Variants in DIP2C observed in about 807,000 individuals in gnomAD.
DIP2C encodes the protein disco-interacting protein 2 homolog C.
Under a neutral mutation model 192.4 loss-of-function variants are expected in DIP2C, and 33 were observed. That is an observed-to-expected ratio of 0.17 (90% CI 0.13 to 0.23). The LOEUF is 0.23. DIP2C is among the 10% of genes least tolerant of loss of function. DIP2C has a pLI of 1.00. For synonymous variants in DIP2C, 979 were observed against 864.1 expected (o/e 1.13, Z -2.33); for missense variants, 1,537 against 2,110.1 (o/e 0.73, Z 5.32).
intron 31 of DIP2C, chr10:325,077 A>G (rs1220181197): frequency 4.8e-6 from 2 of 419,740 alleles, no homozygotes; most frequent in African/African-American, 4.1e-5. Context: ...CATGCTGGCT[A>G]ACACGGTGAA....
chr10:520,940 G>A (rs190250040), intron 1 of DIP2C, among the ~76,000 whole-genome samples: 200 of 152,238 alleles, frequency 1.3e-3, no homozygotes, highest in Non-Finnish European at 2.4e-3. Flanking sequence ...TACATTTGAC[G>A]TTAAGTTTTA....
At chr10:471,908 A>AC (rs758291747) in intron 3 of DIP2C, among the ~76,000 whole-genome samples, 48 of 152,136 alleles carry the variant, frequency 3.2e-4, no homozygotes, top group Non-Finnish European at 6.2e-4. Flanking sequence ...GCCCACCACC[A>AC]CGCCCGACAG....
At position 409,091 on chromosome 10, in the gene DIP2C, A is replaced by G. The variant is rs1055231435; in HGVS notation, c.1058-74T>C. On this transcript the variant is annotated intron_variant, in intron 8 of 36. Transcript: ENST00000280886. Reference sequence around the variant, plus strand: ...GCACAGCTTCTGCAAGTCAAAGTCTAGGACATGAGTCCATTCTGCTTCCTG... The same window carrying G: ...GCACAGCTTCTGCAAGTCAAAGTCTGGGACATGAGTCCATTCTGCTTCCTG... The G allele has an allele frequency of 4.7e-6, 7 of 1,494,802 alleles. No homozygotes were observed. The African/African-American group carries it at 8.3e-5, about 18-fold the overall frequency. The allele number at this position is 1,494,802 out of a possible 1,614,324, so 92.6% of individuals were successfully genotyped here. A position where few individuals can be genotyped will look rare whatever the true frequency, so the allele number is the denominator to read the frequency against.
chr10:620,256 C>A (rs368836664), intron 1 of DIP2C, among the ~76,000 whole-genome samples: 1 of 152,148 alleles, frequency 6.6e-6, no homozygotes, highest in Admixed American at 6.5e-5. Flanking sequence ...CTTGTTCTTA[C>A]AACTGCAGTG....
In DIP2C at chr10:674,644, C is replaced by A. The variant is rs147400317; in HGVS notation, c.85+14850G>T. ...ATTAACCGAGCATGGTGGCACATGC[C>A]TGCAATCCCAGCTACTTGGGAGGCT... On this transcript the variant is annotated intron_variant, in intron 1 of 36. Coordinates refer to ENST00000280886, the MANE Select transcript of DIP2C (RefSeq NM_014974.3). Among the ~76,000 whole-genome samples, 339 of 151,902 alleles carry A rather than the reference C, an allele frequency of 2.2e-3. 1 individual carries two copies. Among genetic ancestry groups the A allele is most frequent in the African/African-American group, 7.4e-3 (308 of 41,382 alleles).
At chr10:344,060 G>A (rs1958290612) in intron 28 of DIP2C, among the ~76,000 whole-genome samples, 3 of 152,132 alleles carry the variant, frequency 2.0e-5, no homozygotes, top group Admixed American at 2.0e-4. Flanking sequence ...ACGTTCTGAT[G>A]GTCTACTCTA....
intron 1 of DIP2C, among the ~76,000 whole-genome samples, chr10:674,704 G>A (rs983937363): frequency 6.7e-6 from 1 of 149,796 alleles, no homozygotes; most frequent in Non-Finnish European, 1.5e-5. Flanking sequence ...GGGAGGTGGA[G>A]GTTGCAATGA....
In DIP2C at chr10:486,408, T is replaced by C. The variant is rs777982139; in HGVS notation, c.157+51A>G. The C allele has an allele frequency of 1.5e-5, 23 of 1,497,948 alleles. No homozygotes were observed. In the South Asian group the frequency reaches 2.0e-4, roughly 13 times the overall value. The allele number at this position is 1,497,948 out of a possible 1,614,324, so 92.8% of individuals were successfully genotyped here. A position where few individuals can be genotyped will look rare whatever the true frequency, so the allele number is the denominator to read the frequency against. ...TGCCTCCAGATGTTTCTCTGGCACA[T>C]AGTGAATGCGGGAAATGAGAGGACT... On this transcript the variant is annotated intron_variant, in intron 2 of 36. Coordinates refer to ENST00000280886, the MANE Select transcript of DIP2C (RefSeq NM_014974.3).
intron 1 of DIP2C, among the ~76,000 whole-genome samples, chr10:645,433 C>T (rs1483854774): frequency 6.6e-6 from 1 of 152,200 alleles, no homozygotes; most frequent in Non-Finnish European, 1.5e-5. Flanking sequence ...GCAGGAAGCC[C>T]TGTGCCTCCT....
chr10:549,607 C>T (rs943919898), intron 1 of DIP2C, among the ~76,000 whole-genome samples: 1 of 152,108 alleles, frequency 6.6e-6, no homozygotes, highest in South Asian at 2.1e-4. Flanking sequence ...GGTCTGGTGG[C>T]TTCAGAGGGG....
At chr10:278,612 C>CT (rs1168865547) in intron 36 of DIP2C, among the ~76,000 whole-genome samples, 1 of 152,252 alleles carries the variant, frequency 6.6e-6, no homozygotes, top group Non-Finnish European at 1.5e-5. Flanking sequence ...TGAGCATGGG[C>CT]TGGCTGCCAT....
Position 636,189 on chromosome 10 carries a change from A to G in DIP2C, c.85+53305T>C, listed in dbSNP as rs1360230299. Among the ~76,000 whole-genome samples, 1 of 152,374 alleles carries G rather than the reference A, an allele frequency of 6.6e-6. No individual in the cohort carries two copies. The highest frequency in any genetic ancestry group is 2.1e-4 in the South Asian group (1 of 4,828). On this transcript the variant is annotated intron_variant, in intron 1 of 36. Transcript: ENST00000280886. This position sits in a 1 kb window ranked among gnomAD's most constrained non-coding sequence, Gnocchi z 4.6. The stretch of plus-strand genomic sequence containing the variant: ...GAGGAGGAAATCCCCACAAGTCGAC[A>G]GAACACCAACGGCTCGTCGGCTCGT...
chr10:615,482 C>T (rs148048397), intron 1 of DIP2C, among the ~76,000 whole-genome samples: 9 of 152,262 alleles, frequency 5.9e-5, no homozygotes, highest in African/African-American at 2.2e-4. Flanking sequence ...CAGTCACTCA[C>T]CCTCAATGCA....
chr10:379,786 C>A (rs1206080737), intron 17 of DIP2C, among the ~76,000 whole-genome samples: 1 of 152,276 alleles, frequency 6.6e-6, no homozygotes, highest in African/African-American at 2.4e-5. Context: ...AGCTGCAACT[C>A]AGCACCTGGA....
chr10:491,503 C>A (rs182595121), intron 1 of DIP2C, among the ~76,000 whole-genome samples: 1 of 152,152 alleles, frequency 6.6e-6, no homozygotes, highest in Non-Finnish European at 1.5e-5. Context: ...CGCTGCAGAC[C>A]GGTGACAGCT....
chr10:419,056 G>A lies in DIP2C; in HGVS notation c.739+9C>T, dbSNP rs1432614670. 6.2e-7 allele frequency: 1 copy of A among 1,614,232 alleles called. No individual in the cohort carries two copies. The highest frequency in any genetic ancestry group is 8.5e-7 in the Non-Finnish European group (1 of 1,180,042). Reference sequence around the variant, plus strand: ...CCAGAAAAAAACGCATCTCTCCTTTGGGACGTACCATCCCCGGTCTCCATG... The same window carrying A: ...CCAGAAAAAAACGCATCTCTCCTTTAGGACGTACCATCCCCGGTCTCCATG... On this transcript the variant is annotated intron_variant, in intron 6 of 36. Coordinates refer to ENST00000280886, the MANE Select transcript of DIP2C (RefSeq NM_014974.3).
chr10:336,652 A>T lies in DIP2C; in HGVS notation c.3584+4547T>A, dbSNP rs1459389459. ...GCATCCTCCTACTTATAAAAAAGAA[A>T]GTAAATTGTAAAACAGCCTCAGTGG... On this transcript the variant is annotated intron_variant, in intron 29 of 36. Coordinates refer to ENST00000280886, the MANE Select transcript of DIP2C (RefSeq NM_014974.3). Among the ~76,000 whole-genome samples the T allele has an allele frequency of 5.9e-5, 9 of 152,016 alleles. 1 individual carries two copies. Among genetic ancestry groups the T allele is most frequent in the Admixed American group, 5.9e-4 (9 of 15,286 alleles).
chr10:384,839 G>A (rs549595330), intron 14 of DIP2C, among the ~76,000 whole-genome samples, 200 bp from the exon 15 acceptor site: 2 of 151,428 alleles, frequency 1.3e-5, no homozygotes, highest in Middle Eastern at 3.5e-3. Context: ...CATAGTGGAG[G>A]AGCAGCTCTC....
At position 393,296 on chromosome 10, in the gene DIP2C, G is replaced by T. The variant is rs142049411; in HGVS notation, c.1261-2433C>A. ...TTCACATACTTAACTACACGAATAT[G>T]CTCATCTGACCTCACTTTGACTTGC... On this transcript the variant is annotated intron_variant, in intron 10 of 36. Coordinates refer to ENST00000280886, the MANE Select transcript of DIP2C (RefSeq NM_014974.3). Among the ~76,000 whole-genome samples, 1,006 of 152,300 alleles carry T rather than the reference G, an allele frequency of 6.6e-3. 16 individuals are homozygous for T. Among genetic ancestry groups the T allele is most frequent in the African/African-American group, 0.022 (927 of 41,552 alleles).
Sources: gnomAD v4.1 joint callset for allele counts (sites outside exome capture counted in the v4.1 genomes callset) on GRCh38, gnomAD v4.1.1 for gene constraint, Gnocchi (gnomAD v3.1) non-coding constraint, MANE v1.5 for transcripts, NCBI Gene and HGNC (gene_info 2026-07-23, HGNC 2026-07-21) for gene names.